NRXN1: variants seen among roughly 807,000 people sequenced by gnomAD.
The protein encoded by NRXN1 is neurexin 1.
NRXN1 carries 39 observed loss-of-function variants against 150.9 expected under a neutral mutation model. The observed-to-expected ratio is 0.26, with a 90% confidence interval of 0.20 to 0.34. The LOEUF (loss-of-function observed/expected upper bound fraction) is 0.34, where lower values mean the gene tolerates loss of function less well. Among genes scored for constraint, NRXN1 ranks in the 10% least tolerant of loss-of-function variants. NRXN1 has a pLI of 1.00. For missense variants in NRXN1, 1,815 were observed against 1,949.9 expected (o/e 0.93, Z 1.30); for synonymous variants, 924 against 757.0 (o/e 1.22, Z -3.62).
intron 5 of NRXN1, among the ~76,000 whole-genome samples, chr2:50,627,586 G>A (rs1310907986): frequency 6.9e-6 from 1 of 144,506 alleles, no homozygotes; most frequent in East Asian, 2.2e-4. Context: ...ATTTAGAGAG[G>A]CAATCTATGA....
At chr2:50,537,271 A>T (rs2093282981) in intron 10 of NRXN1, among the ~76,000 whole-genome samples, 1 of 152,194 alleles carries the variant, frequency 6.6e-6, no homozygotes, top group Non-Finnish European at 1.5e-5. Context: ...TAATAAAGCA[A>T]TGTTATTTGT....
At chr2:50,915,977 T>C (rs924346002) in intron 5 of NRXN1, among the ~76,000 whole-genome samples, 4 of 148,216 alleles carry the variant, frequency 2.7e-5, no homozygotes, top group Non-Finnish European at 4.5e-5. Context: ...TTCAGGACTA[T>C]TACCCATCAG....
At chr2:50,009,655 A>AC (rs1332957598) in intron 21 of NRXN1, among the ~76,000 whole-genome samples, 1 of 152,182 alleles carries the variant, frequency 6.6e-6, no homozygotes, top group African/African-American at 2.4e-5. Flanking sequence ...TTAAAATCGT[A>AC]CAAAAAGAGA....
chr2:50,149,205 T>C (rs1478802585), intron 18 of NRXN1, among the ~76,000 whole-genome samples: 1 of 151,756 alleles, frequency 6.6e-6, no homozygotes, highest in Non-Finnish European at 1.5e-5. Flanking sequence ...TAGACATTGT[T>C]CACTTTATGG....
chr2:50,478,725 C>T (rs533827283), intron 15 of NRXN1, among the ~76,000 whole-genome samples: 50 of 152,278 alleles, frequency 3.3e-4, no homozygotes, highest in African/African-American at 1.2e-3. Flanking sequence ...ATCTCCCTTG[C>T]TGTGAAATTA....
chr2:50,087,088 A>G (rs1210282515), intron 19 of NRXN1, among the ~76,000 whole-genome samples: 1 of 152,104 alleles, frequency 6.6e-6, no homozygotes, highest in African/African-American at 2.4e-5. Context: ...TGATTTCACA[A>G]TCTTACTGCA....
intron 5 of NRXN1, among the ~76,000 whole-genome samples, chr2:50,831,200 A>G (rs1420984185): frequency 6.6e-6 from 1 of 152,226 alleles, no homozygotes; most frequent in African/African-American, 2.4e-5. Flanking sequence ...CACACAATGG[A>G]AACTGTAATA....
intron 18 of NRXN1, among the ~76,000 whole-genome samples, chr2:50,205,954 A>T (rs1287071942): frequency 2.6e-5 from 4 of 151,978 alleles, no homozygotes; most frequent in Non-Finnish European, 5.9e-5. Context: ...GGAGAAGGAG[A>T]GAGAAGGGAT....
intron 17 of NRXN1, among the ~76,000 whole-genome samples, chr2:50,377,257 C>A (rs115301604): frequency 2.0e-5 from 3 of 152,134 alleles, no homozygotes; most frequent in Non-Finnish European, 4.4e-5. Context: ...CCTTCCAATC[C>A]CCCTAACAGG....
intron 5 of NRXN1, among the ~76,000 whole-genome samples, chr2:50,877,198 C>A (rs776194468): frequency 6.6e-6 from 1 of 151,334 alleles, no homozygotes; most frequent in Non-Finnish European, 1.5e-5. Flanking sequence ...CACACATATA[C>A]ACACACACAC....
chr2:50,329,031 A>G (rs886910257), intron 17 of NRXN1, among the ~76,000 whole-genome samples: 1 of 152,210 alleles, frequency 6.6e-6, no homozygotes, highest in Non-Finnish European at 1.5e-5. Flanking sequence ...GAAGGCTAGA[A>G]AAGAAGTTAA....
chr2:50,728,074 T>C (rs1363644498), intron 5 of NRXN1, among the ~76,000 whole-genome samples: 1 of 152,142 alleles, frequency 6.6e-6, no homozygotes, highest in Non-Finnish European at 1.5e-5. Flanking sequence ...AGATCAACAA[T>C]ATCCATGATG....
intron 5 of NRXN1, among the ~76,000 whole-genome samples, chr2:50,834,494 G>A (rs1056512812): frequency 6.6e-5 from 10 of 151,958 alleles, no homozygotes; most frequent in Non-Finnish European, 1.3e-4. Context: ...TTTTAACTAA[G>A]GTGACTTTTT....
chr2:50,187,504 G>C (rs1254678025), intron 18 of NRXN1, among the ~76,000 whole-genome samples: 1 of 152,016 alleles, frequency 6.6e-6, no homozygotes, highest in Non-Finnish European at 1.5e-5. Flanking sequence ...AATAGTGGTA[G>C]TTTGAAATCA....
At position 51,028,260 on chromosome 2, in the gene NRXN1, A is replaced by G. The variant is rs2105335336; in HGVS notation, c.14T>C (p.Leu5Pro). The G allele has an allele frequency of 2.8e-6, 4 of 1,450,956 alleles. No individual in the cohort carries two copies. The South Asian group carries it at 4.4e-5, about 16-fold the overall frequency. The allele number at this position is 1,450,956 out of a possible 1,614,324, so 89.9% of individuals were successfully genotyped here. Residue 5 changes from leucine (L) to proline (P), a missense_variant, in exon 2 of 23, where the codon CTG (leucine) becomes CCG (proline). Leu to Pro is a moderately conservative substitution (Grantham distance 98). Around this residue, in one of 6 missense-constraint regions of NRXN1, gnomAD observed 554 missense variants for 478.8 expected, o/e 1.16. Transcript: ENST00000401669. MGTA[L>P]LQRGGCFLLC... Reference sequence around the variant, plus strand: ...AAGAAAACAGCCCCCGCGCTGGAGCAGCGCCGTCCCCATGCTCGGGGCTGG... The same window carrying G: ...AAGAAAACAGCCCCCGCGCTGGAGCGGCGCCGTCCCCATGCTCGGGGCTGG...
chr2:50,959,021 C>T (rs1411256270), intron 2 of NRXN1, among the ~76,000 whole-genome samples: 1 of 152,036 alleles, frequency 6.6e-6, no homozygotes, highest in Admixed American at 6.6e-5. Flanking sequence ...TTTGTGTCTA[C>T]ATTCATGAGA....
At chr2:50,351,991 T>C (rs1232271476) in intron 17 of NRXN1, among the ~76,000 whole-genome samples, 1 of 152,166 alleles carries the variant, frequency 6.6e-6, no homozygotes, top group African/African-American at 2.4e-5. Flanking sequence ...GAATTCATTA[T>C]GAGCTGTACT....
chr2:50,249,833 T>G (rs1383860519), intron 17 of NRXN1, among the ~76,000 whole-genome samples: 1 of 152,074 alleles, frequency 6.6e-6, no homozygotes, highest in Non-Finnish European at 1.5e-5. Context: ...AGATGGGGTT[T>G]CACCATGTTG....
At chr2:49,938,980 C>G (rs920200201) in intron 22 of NRXN1, among the ~76,000 whole-genome samples, 3 of 152,040 alleles carry the variant, frequency 2.0e-5, no homozygotes, top group African/African-American at 7.3e-5. Flanking sequence ...TGTCAATTTA[C>G]TAAGTGGATC....
Sources: gnomAD v4.1 joint callset for allele counts (sites outside exome capture counted in the v4.1 genomes callset) on GRCh38, gnomAD v4.1.1 for gene constraint, gnomAD v4.1.1 regional missense constraint, MANE v1.5 for transcripts, NCBI Gene and HGNC (gene_info 2026-07-23, HGNC 2026-07-21) for gene names.